ERC1: variants seen among roughly 807,000 people sequenced by gnomAD.
The protein encoded by ERC1 is RAB6 interacting protein 2.
Under a neutral mutation model 132.0 loss-of-function variants are expected in ERC1, and 56 were observed. The ratio of observed to expected loss-of-function variants is 0.42; its 90% CI spans 0.34 to 0.53. The LOEUF (loss-of-function observed/expected upper bound fraction) is 0.53, where lower values mean the gene tolerates loss of function less well. ERC1 is among the 20% of genes least tolerant of loss of function. ERC1 has a pLI of 0.03. For missense variants in ERC1, 1,202 were observed against 1,349.9 expected (o/e 0.89, Z 1.72); for synonymous variants, 478 against 476.1 (o/e 1.00, Z -0.05).
chr12:1,254,705 G>C (rs2076680192), intron 13 of ERC1, among the ~76,000 whole-genome samples: 1 of 152,032 alleles, frequency 6.6e-6, no homozygotes, highest in Admixed American at 6.6e-5. Context: ...TAGAGATGTG[G>C]TTTCACCATG....
At chr12:1,440,185 TTTTC>T (rs2093063540) in intron 17 of ERC1, among the ~76,000 whole-genome samples, 1 of 151,208 alleles carries the variant, frequency 6.6e-6, no homozygotes, top group African/African-American at 2.4e-5. Flanking sequence ...CTTTTTTAAG[TTTTC>T]TTTCTTTCTC....
chr12:1,028,851 C>CTT lies in ERC1; in HGVS notation c.669+292_669+293dup, dbSNP rs748620568. Among the ~76,000 whole-genome samples the CTT allele has an allele frequency of 2.2e-3, 305 of 139,082 alleles. 2 individuals are homozygous for CTT. Among genetic ancestry groups the CTT allele is most frequent in the South Asian group, 3.7e-3 (16 of 4,352 alleles). 91.2% of individuals were successfully genotyped at this position (139,082 alleles called of 152,430 possible). On this transcript the variant is annotated intron_variant, in intron 2 of 18. Transcript: ENST00000360905. ...TGTCTTTCCTTTCAGCATATGTTAT[C>CTT]TTTTTTTTTTTTTTCCAATTCTTCT...
At chr12:1,383,618 A>G (rs1430008781) in intron 16 of ERC1, among the ~76,000 whole-genome samples, 3 of 152,178 alleles carry the variant, frequency 2.0e-5, no homozygotes, top group Non-Finnish European at 2.9e-5. Flanking sequence ...TGGGTGACAA[A>G]ACAAGACTCT....
intron 15 of ERC1, among the ~76,000 whole-genome samples, chr12:1,339,319 A>T (rs2083595979): frequency 1.4e-5 from 2 of 143,162 alleles, no homozygotes; most frequent in South Asian, 2.3e-4. Flanking sequence ...GCTCAGCTGG[A>T]CGACTGTGAC....
chr12:1,130,099 C>G (rs1035285892), intron 7 of ERC1, among the ~76,000 whole-genome samples: 1 of 152,176 alleles, frequency 6.6e-6, no homozygotes, highest in Admixed American at 6.5e-5. Context: ...TCTATCTTCC[C>G]TGTCAAGAGC....
intron 14 of ERC1, among the ~76,000 whole-genome samples, chr12:1,273,364 T>TA (rs2078016188): frequency 6.6e-6 from 1 of 152,210 alleles, no homozygotes; most frequent in African/African-American, 2.4e-5. Flanking sequence ...AGTGGTCAGA[T>TA]ACGGTTTCTA....
chr12:1,390,245 T>G (rs1455401235), intron 16 of ERC1, among the ~76,000 whole-genome samples: 2 of 152,178 alleles, frequency 1.3e-5, no homozygotes, highest in African/African-American at 4.8e-5. Context: ...TCAGCCTGTT[T>G]AGCGATAAAC....
chr12:1,024,428 C>G (rs558901267), intron 1 of ERC1, among the ~76,000 whole-genome samples: 2 of 152,102 alleles, frequency 1.3e-5, no homozygotes, highest in East Asian at 1.9e-4. Flanking sequence ...CCGCTCCCCC[C>G]ACAGGTTTGA....
At chr12:1,233,239 G>A (rs1184845160) in intron 12 of ERC1, among the ~76,000 whole-genome samples, 1 of 152,150 alleles carries the variant, frequency 6.6e-6, no homozygotes, top group Non-Finnish European at 1.5e-5. Context: ...GGGAGGCTGA[G>A]GCGGGTGGGT....
intron 4 of ERC1, 46 bp downstream of exon 4, chr12:1,104,870 T>C: frequency 7.5e-7 from 1 of 1,333,356 alleles, no homozygotes; most frequent in Non-Finnish European, 1.1e-6. Context: ...CCTTATACTT[T>C]TAAGTGATCA....
At chr12:1,222,168 A>G (rs1373938615) in intron 12 of ERC1, among the ~76,000 whole-genome samples, 2 of 151,926 alleles carry the variant, frequency 1.3e-5, no homozygotes, top group Non-Finnish European at 2.9e-5. Context: ...GCAGTCTATT[A>G]TTGACCAAAG....
chr12:1,364,188 G>A (rs552450861), intron 15 of ERC1, among the ~76,000 whole-genome samples: 2 of 152,230 alleles, frequency 1.3e-5, no homozygotes, highest in Admixed American at 6.5e-5. Context: ...AGACAGCAGC[G>A]TTTTATTCTT....
intron 12 of ERC1, among the ~76,000 whole-genome samples, chr12:1,221,403 A>T (rs1015816351): frequency 5.3e-5 from 8 of 152,238 alleles, no homozygotes; most frequent in African/African-American, 1.9e-4. Context: ...TAGAAATAAA[A>T]GACACTAAAT....
chr12:1,185,326 C>T (rs1049309191), intron 11 of ERC1, among the ~76,000 whole-genome samples: 2 of 152,170 alleles, frequency 1.3e-5, no homozygotes, highest in East Asian at 3.9e-4. Flanking sequence ...GGCCACTATG[C>T]TCAGCCTTGA....
At chr12:1,457,433 C>T (rs1246177750) in intron 18 of ERC1, among the ~76,000 whole-genome samples, 5 of 152,162 alleles carry the variant, frequency 3.3e-5, no homozygotes. Context: ...GTTCAGAAGA[C>T]TTCTTTTTTT....
chr12:1,417,868 A>T (rs565765702), intron 17 of ERC1, among the ~76,000 whole-genome samples: 21 of 152,262 alleles, frequency 1.4e-4, no homozygotes, highest in African/African-American at 5.1e-4. Context: ...TGATGCTAGT[A>T]GTTACCATTT....
At chr12:1,203,322 T>C (rs1957084169) in intron 12 of ERC1, among the ~76,000 whole-genome samples, 1 of 152,170 alleles carries the variant, frequency 6.6e-6, no homozygotes, top group African/African-American at 2.4e-5. Context: ...CCTCCCAAAG[T>C]GCTGGGATTA....
chr12:1,257,769 A>G (rs919434897), intron 13 of ERC1, among the ~76,000 whole-genome samples: 2 of 152,226 alleles, frequency 1.3e-5, no homozygotes, highest in Non-Finnish European at 2.9e-5. Flanking sequence ...GTAGAAATAC[A>G]ATGTGAGCCA....
At position 1,129,407 on chromosome 12, in the gene ERC1, G is replaced by C. The variant is rs116329083; in HGVS notation, c.1570-12213G>C. ...GGTGTGGTGTGTACATGTAGTCCTG[G>C]CTACTCAGAAGTCGAAGGCGAGAGT... On this transcript the variant is annotated intron_variant, in intron 7 of 18. Transcript: ENST00000360905. Among the ~76,000 whole-genome samples, 526 of 152,300 alleles carry C rather than the reference G, an allele frequency of 3.5e-3. 4 individuals are homozygous for C. Among genetic ancestry groups the C allele is most frequent in the African/African-American group, 0.012 (495 of 41,564 alleles).
Sources: allele counts gnomAD v4.1 joint callset (sites outside exome capture counted in the v4.1 genomes callset), GRCh38; gene constraint gnomAD v4.1.1; transcripts MANE v1.5; gene names NCBI Gene and HGNC (gene_info 2026-07-23, HGNC 2026-07-21).